IRF2: variants seen among roughly 807,000 people sequenced by gnomAD.
The protein encoded by IRF2 is interferon regulatory factor 2.
In IRF2, 15 loss-of-function variants were observed where a neutral mutation model predicts 40.6. That is an observed-to-expected ratio of 0.37 (90% CI 0.25 to 0.57). The LOEUF is 0.57. Among genes scored for constraint, IRF2 ranks in the 20% least tolerant of loss-of-function variants. IRF2 has a pLI of 0.77. For synonymous variants in IRF2, 151 were observed against 165.5 expected (o/e 0.91, Z 0.67); for missense variants, 317 against 455.7 (o/e 0.70, Z 2.77).
intron 1 of IRF2, among the ~76,000 whole-genome samples, chr4:184,452,539 C>T (rs910165936): frequency 6.6e-6 from 1 of 152,148 alleles, no homozygotes; most frequent in Non-Finnish European, 1.5e-5. Flanking sequence ...CCAGCTCTAT[C>T]ATTTAGCTGT....
At chr4:184,423,096 A>C (rs2149901900) in intron 2 of IRF2, among the ~76,000 whole-genome samples, 1 of 152,306 alleles carries the variant, frequency 6.6e-6, no homozygotes, top group South Asian at 2.1e-4. Context: ...TTAAAACTGA[A>C]AGAGATTCTG....
Position 184,455,685 on chromosome 4 carries a change from G to A in IRF2, c.-7+18694C>T, listed in dbSNP as rs1413902146. Among the ~76,000 whole-genome samples, 5 of 152,146 alleles carry A rather than the reference G, an allele frequency of 3.3e-5. No homozygotes were observed. The East Asian group carries it at 7.7e-4, about 24-fold the overall frequency. On this transcript the variant is annotated intron_variant, in intron 1 of 8. Coordinates refer to ENST00000393593, the MANE Select transcript of IRF2 (RefSeq NM_002199.4). ...ATAAGGCGGATGATATTAACTATAC[G>A]TTGTGATGGATAAACTTATGAACAA...
At chr4:184,393,355 G>T (rs758285996) in intron 7 of IRF2, among the ~76,000 whole-genome samples, 1 of 152,102 alleles carries the variant, frequency 6.6e-6, no homozygotes, top group Non-Finnish European at 1.5e-5. Context: ...CTTTCATACG[G>T]GTTCAGATGC....
chr4:184,446,703 T>C (rs1463381596), intron 1 of IRF2, among the ~76,000 whole-genome samples: 1 of 151,728 alleles, frequency 6.6e-6, no homozygotes, highest in African/African-American at 2.4e-5. Flanking sequence ...AATACAGAGG[T>C]AAAAAAGCAT....
At chr4:184,410,483 C>T (rs2149897342) in intron 5 of IRF2, among the ~76,000 whole-genome samples, 1 of 152,302 alleles carries the variant, frequency 6.6e-6, no homozygotes, top group South Asian at 2.1e-4. Context: ...GACACTGCTG[C>T]AATTCTCCAT....
At chr4:184,464,069 A>G in intron 1 of IRF2, among the ~76,000 whole-genome samples, 1 of 152,220 alleles carries the variant, frequency 6.6e-6, no homozygotes, top group Non-Finnish European at 1.5e-5. Context: ...TAGGGACCGT[A>G]TAGGACATGA....
At chr4:184,446,166 T>C (rs1423431011) in intron 1 of IRF2, among the ~76,000 whole-genome samples, 1 of 152,232 alleles carries the variant, frequency 6.6e-6, no homozygotes, top group Non-Finnish European at 1.5e-5. Flanking sequence ...ATACCTTAAT[T>C]GCCAACTTTT....
chr4:184,389,180 G>A (rs1736161668), intron 8 of IRF2, 114 bp from the exon 9 acceptor site: 3 of 999,626 alleles, frequency 3.0e-6, no homozygotes, highest in Non-Finnish European at 4.6e-6. Context: ...AGCACTTTGG[G>A]AGGCTGAGGC....
chr4:184,456,083 C>T (rs1738913919), intron 1 of IRF2, among the ~76,000 whole-genome samples: 1 of 152,198 alleles, frequency 6.6e-6, no homozygotes, highest in Non-Finnish European at 1.5e-5. Flanking sequence ...GGGTGCCTGC[C>T]CTGCGGCCGC....
intron 1 of IRF2, among the ~76,000 whole-genome samples, chr4:184,457,025 CCAAA>C (rs1301594418): frequency 6.6e-6 from 1 of 152,238 alleles, no homozygotes; most frequent in African/African-American, 2.4e-5. Context: ...CCACATCTCC[CCAAA>C]CACTCTGTAG....
chr4:184,454,258 A>G (rs1738831860), intron 1 of IRF2, among the ~76,000 whole-genome samples: 1 of 152,180 alleles, frequency 6.6e-6, no homozygotes, highest in Non-Finnish European at 1.5e-5. Context: ...CTCTCCATAA[A>G]GGTTACCAGC....
At chr4:184,446,760 C>G (rs533391831) in intron 1 of IRF2, among the ~76,000 whole-genome samples, 1 of 151,886 alleles carries the variant, frequency 6.6e-6, no homozygotes, top group East Asian at 1.9e-4. Flanking sequence ...GAGACCACCC[C>G]GGCTAACACG....
intron 1 of IRF2, among the ~76,000 whole-genome samples, chr4:184,469,742 A>G (rs1456643986): frequency 2.0e-5 from 3 of 152,226 alleles, no homozygotes; most frequent in Non-Finnish European, 4.4e-5. Flanking sequence ...ACAGTTTGTC[A>G]TAAGATGGAG....
At chr4:184,437,064 C>T (rs960122690) in intron 1 of IRF2, among the ~76,000 whole-genome samples, 1 of 151,792 alleles carries the variant, frequency 6.6e-6, no homozygotes, top group African/African-American at 2.4e-5. Context: ...TTTTGTTTTT[C>T]GGGTTTTTTG....
chr4:184,420,025 G>A (rs752991000), intron 2 of IRF2, among the ~76,000 whole-genome samples: 9 of 152,074 alleles, frequency 5.9e-5, no homozygotes, highest in African/African-American at 1.7e-4. Flanking sequence ...GTGCCACCAC[G>A]CCTGGCCAAG....
intron 1 of IRF2, among the ~76,000 whole-genome samples, chr4:184,431,778 G>A (rs1192473793): frequency 7.7e-6 from 1 of 129,426 alleles, no homozygotes; most frequent in Non-Finnish European, 1.8e-5. Context: ...AAACACGAGA[G>A]GCGTGTGGAA....
Position 184,408,878 on chromosome 4 carries a change from T to A in IRF2, c.412-603A>T, listed in dbSNP as rs1010954092. Among the ~76,000 whole-genome samples, 4 of 152,248 alleles carry A rather than the reference T, an allele frequency of 2.6e-5. No homozygotes were observed. Among genetic ancestry groups the A allele is most frequent in the Non-Finnish European group, 5.9e-5 (4 of 68,042 alleles). The stretch of plus-strand genomic sequence containing the variant: ...CCGGGCAACCCCACACCATGGGCTT[T>A]ACATAAATGCCCTTCAGGTGGCTGA... On this transcript the variant is annotated intron_variant, in intron 5 of 8. Coordinates refer to ENST00000393593, the MANE Select transcript of IRF2 (RefSeq NM_002199.4). This position sits in a 1 kb window ranked among gnomAD's most constrained non-coding sequence, Gnocchi z 4.9.
intron 1 of IRF2, among the ~76,000 whole-genome samples, chr4:184,446,860 C>T (rs1044187411): frequency 3.3e-5 from 5 of 151,958 alleles, no homozygotes; most frequent in Admixed American, 1.3e-4. Context: ...GAGGCTGAGG[C>T]AGGGAGAATT....
At chr4:184,426,969 G>A (rs117104941) in intron 2 of IRF2, among the ~76,000 whole-genome samples, 18 of 152,308 alleles carry the variant, frequency 1.2e-4, no homozygotes, top group Middle Eastern at 6.8e-3. Flanking sequence ...GTGGCGGAAC[G>A]TGAGCTAATG....
Sources: gnomAD v4.1 joint callset for allele counts (sites outside exome capture counted in the v4.1 genomes callset) on GRCh38, gnomAD v4.1.1 for gene constraint, Gnocchi (gnomAD v3.1) non-coding constraint, MANE v1.5 for transcripts, NCBI Gene and HGNC (gene_info 2026-07-23, HGNC 2026-07-21) for gene names.